The following NLGN1 variants were observed in gnomAD, a reference collection of about 807,000 sequenced individuals.
The protein encoded by NLGN1 is neuroligin-1.
A neutral mutation model predicts 65.5 loss-of-function variants in NLGN1; 12 were observed. That is an observed-to-expected ratio of 0.18 (90% confidence interval 0.12 to 0.30). NLGN1 has a LOEUF of 0.30. NLGN1 is among the 10% of genes least tolerant of loss of function. The pLI, the probability that NLGN1 is intolerant of heterozygous loss-of-function variation, is 1.00. For synonymous variants in NLGN1, 350 were observed against 359.5 expected (o/e 0.97, Z 0.30); for missense variants, 750 against 1,007.1 (o/e 0.74, Z 3.46).
chr3:173,867,961 G>A (rs1730505979), intron 4 of NLGN1, among the ~76,000 whole-genome samples: 1 of 152,134 alleles, frequency 6.6e-6, no homozygotes, highest in South Asian at 2.1e-4. Context: ...GTGGCTTATT[G>A]CCTTTAAAAT....
intron 4 of NLGN1, among the ~76,000 whole-genome samples, chr3:174,132,105 A>G (rs570820532): frequency 3.3e-5 from 5 of 152,192 alleles, no homozygotes; most frequent in Non-Finnish European, 5.9e-5. Flanking sequence ...CAAGGAGACA[A>G]TTTATGAGAA....
chr3:173,854,718 A>G (rs1727624500), intron 4 of NLGN1, among the ~76,000 whole-genome samples: 1 of 152,102 alleles, frequency 6.6e-6, no homozygotes, highest in Non-Finnish European at 1.5e-5. Flanking sequence ...TATTGGGGAA[A>G]ACAGTATTGG....
chr3:173,661,906 A>G (rs1760982511), intron 3 of NLGN1, among the ~76,000 whole-genome samples: 2 of 152,028 alleles, frequency 1.3e-5, no homozygotes, highest in African/African-American at 2.4e-5. Context: ...GGTGCATGCA[A>G]TAGCATTTGG....
At chr3:173,737,215 T>C (rs1773909791) in intron 3 of NLGN1, among the ~76,000 whole-genome samples, 1 of 139,592 alleles carries the variant, frequency 7.2e-6, no homozygotes, top group Admixed American at 7.6e-5. Context: ...TGATTGCTAA[T>C]ATAAAGCCTC....
chr3:173,760,336 T>G (rs1246674438), intron 3 of NLGN1, among the ~76,000 whole-genome samples: 1 of 151,958 alleles, frequency 6.6e-6, no homozygotes, highest in Non-Finnish European at 1.5e-5. Flanking sequence ...TATGACATGG[T>G]TATTGAATAC....
At chr3:173,599,619 C>T (rs1490243721) in intron 2 of NLGN1, among the ~76,000 whole-genome samples, 1 of 152,086 alleles carries the variant, frequency 6.6e-6, no homozygotes. Context: ...TTACTAAGTC[C>T]ATTTTTATAT....
At chr3:173,807,725 A>G in exon 4 of NLGN1, 1 of 1,613,804 alleles carries the variant, frequency 6.2e-7, no homozygotes, top group Non-Finnish European at 8.5e-7. Context: ...GTGTATATCC[A>G]TGGTGGCTCA....
chr3:173,811,626 G>A (rs1717967074), intron 4 of NLGN1, among the ~76,000 whole-genome samples: 1 of 150,064 alleles, frequency 6.7e-6, no homozygotes, highest in African/African-American at 2.4e-5. Flanking sequence ...ATAAATACTT[G>A]ATGTGTTCTT....
intron 4 of NLGN1, among the ~76,000 whole-genome samples, chr3:174,095,535 A>C (rs1159404277): frequency 1.4e-5 from 2 of 143,350 alleles, no homozygotes; most frequent in African/African-American, 5.3e-5. Flanking sequence ...TTATATATCT[A>C]TATATATATA....
chr3:174,281,384 GACTTACTATTT>G, exon 7 of NLGN1: 5 of 847,534 alleles, frequency 5.9e-6, no homozygotes, highest in Non-Finnish European at 9.2e-6. Flanking sequence ...CAACCTACAA[GACTTACTATTT>G]AAATAAGGAG....
chr3:173,955,192 TTATAA>T (rs1300589580), intron 4 of NLGN1, among the ~76,000 whole-genome samples: 2 of 152,194 alleles, frequency 1.3e-5, no homozygotes, highest in Non-Finnish European at 2.9e-5. Context: ...TTTCAGCCAC[TTATAA>T]TATAAAAATC....
intron 4 of NLGN1, among the ~76,000 whole-genome samples, chr3:174,244,314 G>T (rs941474188): frequency 3.3e-5 from 5 of 152,068 alleles, no homozygotes; most frequent in Non-Finnish European, 5.9e-5. Context: ...AGTTTAAAAA[G>T]GTCAAATATG....
At chr3:173,444,210 C>T (rs1719738297) in intron 2 of NLGN1, among the ~76,000 whole-genome samples, 1 of 152,134 alleles carries the variant, frequency 6.6e-6, no homozygotes, top group South Asian at 2.1e-4. Flanking sequence ...AATGGCTGCT[C>T]TTCTAAGGTT....
intron 4 of NLGN1, among the ~76,000 whole-genome samples, chr3:173,862,614 T>C (rs549099722): frequency 6.6e-6 from 1 of 151,874 alleles, no homozygotes; most frequent in African/African-American, 2.4e-5. Context: ...TATGTTTGTA[T>C]TAATCAATGC....
chr3:173,528,546 G>A (rs1172912106), intron 2 of NLGN1, among the ~76,000 whole-genome samples: 1 of 152,004 alleles, frequency 6.6e-6, no homozygotes, highest in Non-Finnish European at 1.5e-5. Flanking sequence ...ACATTTCTTA[G>A]TTTTTCTTCT....
intron 2 of NLGN1, among the ~76,000 whole-genome samples, chr3:173,557,291 A>G (rs1260913917): frequency 6.6e-6 from 1 of 152,146 alleles, no homozygotes; most frequent in African/African-American, 2.4e-5. Context: ...TCTTGTAATT[A>G]GGGTTTGTAT....
chr3:173,822,317 G>A (rs1480799119), intron 4 of NLGN1, among the ~76,000 whole-genome samples: 3 of 152,016 alleles, frequency 2.0e-5, no homozygotes, highest in South Asian at 2.1e-4. Flanking sequence ...GGAACTGCTC[G>A]GGGATTCCAA....
At chr3:173,944,375 T>C (rs926911046) in intron 4 of NLGN1, among the ~76,000 whole-genome samples, 1 of 152,132 alleles carries the variant, frequency 6.6e-6, no homozygotes, top group African/African-American at 2.4e-5. Flanking sequence ...TTTGTTTACA[T>C]GGGCAACATG....
chr3:173,816,806 G>A (rs1431166953), intron 4 of NLGN1, among the ~76,000 whole-genome samples: 1 of 152,152 alleles, frequency 6.6e-6, no homozygotes, highest in African/African-American at 2.4e-5. Flanking sequence ...GATCTTTGTG[G>A]GGCCAGTTCT....
Sources: allele counts gnomAD v4.1 joint callset (sites outside exome capture counted in the v4.1 genomes callset), GRCh38; gene constraint gnomAD v4.1.1; transcripts MANE v1.5; gene names NCBI Gene and HGNC (gene_info 2026-07-23, HGNC 2026-07-21).